The following AKR1D1 variants were observed in gnomAD, a reference collection of about 807,000 sequenced individuals.
AKR1D1 encodes delta(4)-3-ketosteroid 5-beta-reductase.
In AKR1D1, 32 loss-of-function variants were observed where a neutral mutation model predicts 42.6. The observed-to-expected ratio is 0.75, with a 90% CI of 0.57 to 1.01. AKR1D1 has a LOEUF of 1.01. Ranked by LOEUF, AKR1D1 falls within the 50% of genes least tolerant of loss-of-function variation. The probability of loss-of-function intolerance (pLI) is 0.00; values close to 1 mark genes in which losing one functional copy is unlikely to be tolerated. For synonymous variants in AKR1D1, 123 were observed against 135.5 expected (o/e 0.91, Z 0.64); for missense variants, 364 against 402.2 (o/e 0.91, Z 0.81).
chr7:138,076,490 GA>G lies in AKR1D1; in HGVS notation c.-27del. On this transcript the variant is annotated 5_prime_UTR_variant, in exon 1 of 9. Coordinates refer to ENST00000242375, the MANE Select transcript of AKR1D1 (RefSeq NM_005989.4). ...CTAAAAAGACTCCCTGTGGTGTTCAGAATCACTCCTACAGTCAGGTTCTCCA... is the reference window on the plus strand; with the variant it reads ...CTAAAAAGACTCCCTGTGGTGTTCAGATCACTCCTACAGTCAGGTTCTCCA... 1 of 1,589,862 alleles carries G rather than the reference GA, an allele frequency of 6.3e-7. No individual in the cohort carries two copies. Among genetic ancestry groups the G allele is most frequent in the Non-Finnish European group, 8.6e-7 (1 of 1,158,434 alleles).
chr7:138,087,787 A>G (rs1488565580), intron 1 of AKR1D1, among the ~76,000 whole-genome samples: 1 of 152,220 alleles, frequency 6.6e-6, no homozygotes, highest in African/African-American at 2.4e-5. Flanking sequence ...ATGCTAGAAG[A>G]GAAAAACTAA....
At chr7:138,112,085 C>A (rs1459275976) in intron 7 of AKR1D1, among the ~76,000 whole-genome samples, 2 of 152,014 alleles carry the variant, frequency 1.3e-5, no homozygotes, top group Admixed American at 6.6e-5. Flanking sequence ...TAGAACAAAT[C>A]TCCAAGATCA....
chr7:138,091,309 C>A, intron 2 of AKR1D1: 1 of 215,008 alleles, frequency 4.7e-6, no homozygotes, highest in Non-Finnish European at 9.4e-6. Flanking sequence ...GCTGTCTAGG[C>A]AATTGTACCT....
intron 4 of AKR1D1, among the ~76,000 whole-genome samples, chr7:138,100,543 T>C (rs1296384590): frequency 6.6e-6 from 1 of 151,654 alleles, no homozygotes; most frequent in Admixed American, 6.6e-5. Context: ...TTCAGAGCAA[T>C]GAGTATTACA....
In AKR1D1 at chr7:138,095,982, C is replaced by T. The variant is rs371482301; in HGVS notation, c.379-1884C>T. On this transcript the variant is annotated intron_variant, in intron 3 of 8. Transcript: ENST00000242375. ...TTGGGAGGCCAAGGCAGGTGGATCA[C>T]TTGAGCCTAGGAGTTCGAGACCAGC... Among the ~76,000 whole-genome samples, 29 of 151,636 alleles carry T rather than the reference C, an allele frequency of 1.9e-4. No homozygotes were observed. The East Asian group carries it at 4.9e-3, about 26-fold the overall frequency.
intron 8 of AKR1D1, 138 bp from the exon 9 acceptor site, chr7:138,116,482 G>A: frequency 1.0e-6 from 1 of 992,228 alleles, no homozygotes; most frequent in Non-Finnish European, 1.6e-6. Flanking sequence ...AACAGAAGAG[G>A]AAAGTAGGTA....
intron 7 of AKR1D1, among the ~76,000 whole-genome samples, chr7:138,112,919 G>A (rs1794562268): frequency 6.6e-6 from 1 of 151,908 alleles, no homozygotes; most frequent in African/African-American, 2.4e-5. Flanking sequence ...CAATGGAAAT[G>A]TAATTAGAAT....
Position 138,088,573 on chromosome 7 carries a change from C to T in AKR1D1, c.94-28C>T, listed in dbSNP as rs1307905770. ...TAAAGGAAAGACCATTTCTCTTTTC[C>T]CCAAACCCAACCTCTTTGTCACTTC... On this transcript the variant is annotated intron_variant, in intron 1 of 8. Transcript: ENST00000242375. The T allele has an allele frequency of 3.1e-6, 5 of 1,613,722 alleles. 1 individual carries two copies. The highest frequency in any genetic ancestry group is 3.3e-4 in the Middle Eastern group (2 of 6,062).
chr7:138,104,704 C>T (rs1794385892), intron 4 of AKR1D1, among the ~76,000 whole-genome samples: 1 of 150,340 alleles, frequency 6.7e-6, no homozygotes, highest in South Asian at 2.1e-4. Context: ...AAAAAGTGCC[C>T]AGGTACTATG....
At chr7:138,092,703 C>T (rs963519786) in intron 3 of AKR1D1, among the ~76,000 whole-genome samples, 4 of 152,062 alleles carry the variant, frequency 2.6e-5, no homozygotes, top group African/African-American at 9.7e-5. Flanking sequence ...ATACTGTAGA[C>T]GATGGTAACA....
chr7:138,086,668 A>C (rs73732238), intron 1 of AKR1D1, among the ~76,000 whole-genome samples: 5,742 of 152,304 alleles, frequency 0.038, 372 homozygotes, highest in African/African-American at 0.13. Flanking sequence ...TCTCTCGCTC[A>C]GCCTACAACA....
chr7:138,111,732 A>G (rs1035505587), intron 7 of AKR1D1, among the ~76,000 whole-genome samples: 1 of 152,224 alleles, frequency 6.6e-6, no homozygotes, highest in Non-Finnish European at 1.5e-5. Flanking sequence ...AGCTTATATT[A>G]AGATCGAAAC....
intron 1 of AKR1D1, among the ~76,000 whole-genome samples, chr7:138,080,760 GCCTCTATTATT>G (rs1337947968): frequency 3.3e-5 from 5 of 152,104 alleles, no homozygotes; most frequent in African/African-American, 1.2e-4. Context: ...CTACCATGTA[GCCTCTATTATT>G]TTAAAATTCC....
intron 4 of AKR1D1, among the ~76,000 whole-genome samples, chr7:138,102,118 T>G (rs1794330154): frequency 6.6e-6 from 1 of 151,986 alleles, no homozygotes; most frequent in African/African-American, 2.4e-5. Context: ...GGCTGCAGCA[T>G]GAGAATCACT....
At chr7:138,109,934 C>T (rs1223677638) in intron 7 of AKR1D1, among the ~76,000 whole-genome samples, 1 of 152,094 alleles carries the variant, frequency 6.6e-6, no homozygotes, top group Non-Finnish European at 1.5e-5. Flanking sequence ...ATGCCACTCT[C>T]CTTGAAATTT....
At chr7:138,088,456 C>A in intron 1 of AKR1D1, 145 bp from the exon 2 acceptor site, 2 of 989,440 alleles carry the variant, frequency 2.0e-6, no homozygotes, top group South Asian at 1.4e-5. Flanking sequence ...TGCTGCTGAA[C>A]ACCATCTTCC....
At position 138,100,088 on chromosome 7, in the gene AKR1D1, CAAAAAAAAAAAAAA is replaced by C. The variant is rs59361346; in HGVS notation, c.456+2162_456+2175del. 1.1e-3 allele frequency among the ~76,000 whole-genome samples: 49 copies of C among 43,538 alleles called. 1 individual carries two copies. The Admixed American group carries it at 0.018, about 16-fold the overall frequency. The allele number at this position is 43,538 out of a possible 152,430, so 28.6% of individuals were successfully genotyped here. On this transcript the variant is annotated intron_variant, in intron 4 of 8. Coordinates refer to ENST00000242375, the MANE Select transcript of AKR1D1 (RefSeq NM_005989.4). Reference sequence around the variant, plus strand: ...TGGGCAATATAGCGAGATTTCATCTCAAAAAAAAAAAAAAAAAAAAAAAAAAAAAACATAAAGAG... The same window carrying C: ...TGGGCAATATAGCGAGATTTCATCTCAAAAAAAAAAAAAAAACATAAAGAG...
intron 3 of AKR1D1, among the ~76,000 whole-genome samples, chr7:138,092,865 A>C (rs7783021): frequency 0.15 from 23,390 of 152,140 alleles, 1,892 homozygotes; most frequent in South Asian, 0.2. Flanking sequence ...TGGTGAGTGA[A>C]TGTGAAGGCC....
At chr7:138,110,037 C>T (rs1251863925) in intron 7 of AKR1D1, among the ~76,000 whole-genome samples, 7 of 140,262 alleles carry the variant, frequency 5.0e-5, no homozygotes, top group South Asian at 2.2e-4. Flanking sequence ...AAGAAAAAAA[C>T]GGATACAGAT....
Sources: allele counts gnomAD v4.1 joint callset (sites outside exome capture counted in the v4.1 genomes callset), GRCh38; gene constraint gnomAD v4.1.1; transcripts MANE v1.5; gene names NCBI Gene and HGNC (gene_info 2026-07-23, HGNC 2026-07-21).